LHFPL2: variants seen among roughly 807,000 people sequenced by gnomAD.
The protein encoded by LHFPL2 is LHFPL tetraspan subfamily member 2 protein.
A neutral mutation model predicts 17.5 loss-of-function variants in LHFPL2; 7 were observed. That is an observed-to-expected ratio of 0.40 (90% CI 0.23 to 0.75). LHFPL2 has a LOEUF of 0.75. Ranked by LOEUF, LHFPL2 falls within the 30% of genes least tolerant of loss-of-function variation. LHFPL2 has a pLI of 0.37. For synonymous variants in LHFPL2, 134 were observed against 116.2 expected (o/e 1.15, Z -0.99); for missense variants, 241 against 294.8 (o/e 0.82, Z 1.34).
chr5:78,607,490 A>G (rs1214863319), intron 2 of LHFPL2, among the ~76,000 whole-genome samples: 1 of 152,210 alleles, frequency 6.6e-6, no homozygotes, highest in Non-Finnish European at 1.5e-5. Flanking sequence ...ATAAGTTATG[A>G]TCTAATTACA....
intron 2 of LHFPL2, among the ~76,000 whole-genome samples, chr5:78,572,328 G>C (rs980332281): frequency 1.3e-5 from 2 of 152,130 alleles, no homozygotes; most frequent in Middle Eastern, 3.4e-3. Context: ...TACCTCAGAG[G>C]TATGTATGTA....
intron 3 of LHFPL2, among the ~76,000 whole-genome samples, chr5:78,558,164 A>C (rs1229199819): frequency 1.3e-5 from 2 of 152,192 alleles, no homozygotes; most frequent in African/African-American, 2.4e-5. Flanking sequence ...TTGGCATGGG[A>C]AATTATTTTA....
intron 1 of LHFPL2, among the ~76,000 whole-genome samples, chr5:78,639,093 G>A (rs1407948607): frequency 6.6e-6 from 1 of 152,130 alleles, no homozygotes; most frequent in Non-Finnish European, 1.5e-5. Flanking sequence ...AACATGGCTG[G>A]TCAGACTATC....
chr5:78,618,435 C>T (rs926104089), intron 2 of LHFPL2, among the ~76,000 whole-genome samples: 13 of 152,156 alleles, frequency 8.5e-5, no homozygotes, highest in Admixed American at 3.3e-4. Context: ...AGGCAGCATT[C>T]GGCCGGTGGA....
At chr5:78,583,513 A>G (rs1356678902) in intron 2 of LHFPL2, among the ~76,000 whole-genome samples, 2 of 149,972 alleles carry the variant, frequency 1.3e-5, no homozygotes, top group Non-Finnish European at 3.0e-5. Flanking sequence ...GCTTGTCTGT[A>G]AAGTATTTTA....
intron 2 of LHFPL2, among the ~76,000 whole-genome samples, chr5:78,630,598 C>T (rs1745208299): frequency 6.6e-6 from 1 of 151,868 alleles, no homozygotes; most frequent in South Asian, 2.1e-4. Context: ...ATTCAATTCT[C>T]CTTCAGGAAG....
intron 3 of LHFPL2, among the ~76,000 whole-genome samples, chr5:78,541,313 C>T (rs1180831739): frequency 6.6e-6 from 1 of 152,172 alleles, no homozygotes; most frequent in Non-Finnish European, 1.5e-5. Context: ...TAAGTAGTCA[C>T]TGACAGCAAA....
intron 3 of LHFPL2, among the ~76,000 whole-genome samples, chr5:78,562,094 T>C (rs1292510039): frequency 6.6e-6 from 1 of 152,146 alleles, no homozygotes; most frequent in Non-Finnish European, 1.5e-5. Flanking sequence ...GCTGTGCTCT[T>C]TCCATGATAC....
intron 2 of LHFPL2, among the ~76,000 whole-genome samples, chr5:78,581,157 T>G (rs1462460264): frequency 2.6e-5 from 4 of 152,208 alleles, no homozygotes; most frequent in Non-Finnish European, 5.9e-5. Context: ...TTGTCTGTTG[T>G]TGGTGTATAA....
chr5:78,523,114 G>C (rs1328397678), intron 3 of LHFPL2, among the ~76,000 whole-genome samples: 1 of 62,724 alleles, frequency 1.6e-5, no homozygotes, highest in African/African-American at 8.7e-5. Flanking sequence ...TGTCTGTGGT[G>C]TGTGTGTGTG....
rs369844232 is a variant in LHFPL2 at position 78,522,431 on chromosome 5, T to C, written c.-185-12033A>G. 2.0e-5 allele frequency among the ~76,000 whole-genome samples: 3 copies of C among 152,144 alleles called. No individual in the cohort carries two copies. In the East Asian group the frequency reaches 5.8e-4, roughly 29 times the overall value. The stretch of plus-strand genomic sequence containing the variant: ...CAGCCTGGGTGACAGAGTGAGACTC[T>C]TGTCTCAAAATAAAAAAAAAATTTT... On this transcript the variant is annotated intron_variant, in intron 3 of 4. Transcript: ENST00000380345.
At chr5:78,535,738 A>G (rs1755929190) in intron 3 of LHFPL2, among the ~76,000 whole-genome samples, 1 of 152,120 alleles carries the variant, frequency 6.6e-6, no homozygotes, top group African/African-American at 2.4e-5. Context: ...ACACTGCCGC[A>G]TGGCTGTAGC....
chr5:78,489,031 A>G lies in LHFPL2; in HGVS notation c.553T>C (p.Phe185Leu), dbSNP rs1754349067. 6.2e-7 allele frequency: 1 copy of G among 1,614,246 alleles called. No individual in the cohort carries two copies. Reference protein sequence around the residue: ...KPGDCSLGWAFYTAIGGTVLT... With the variant: ...KPGDCSLGWALYTAIGGTVLT... ...ACTGTGCCCCCAATGGCGGTATAAAAGGCCCAGCCCAAGGAGCAGTCTCCA... is the reference window on the plus strand; with the variant it reads ...ACTGTGCCCCCAATGGCGGTATAAAGGGCCCAGCCCAAGGAGCAGTCTCCA... Residue 185 changes from phenylalanine (F) to leucine (L), a missense_variant, in exon 5 of 5, where the codon TTT becomes CTT. Phe to Leu is a conservative substitution (Grantham distance 22). Transcript: ENST00000380345.
At chr5:78,586,377 G>A (rs1196993459) in intron 2 of LHFPL2, among the ~76,000 whole-genome samples, 5 of 152,142 alleles carry the variant, frequency 3.3e-5, no homozygotes, top group African/African-American at 1.2e-4. Context: ...TCTCATTTGT[G>A]GAGGAATGCT....
rs752866746 is a variant in LHFPL2, at chr5:78,510,053, G to A, written c.161C>T (p.Pro54Leu). 8 of 1,609,960 alleles carry A rather than the reference G, an allele frequency of 5.0e-6. No homozygotes were observed. Among genetic ancestry groups the A allele is most frequent in the Non-Finnish European group, 6.8e-6 (8 of 1,178,324 alleles). ...GCCCAGGGTGGGGTGGTAGGGCTCC[G>A]GGGAGCCCCCGCCCGGGCCCGCCGG... ...VEPAGPGGGSPEPYHPTLGIY... is the reference protein window; with the variant it reads ...VEPAGPGGGSLEPYHPTLGIY... The change falls in exon 4 of 5, where the codon CCG becomes CTG. Residue 54 changes from proline to leucine, a missense_variant. Physicochemically the swap from Pro to Leu is moderately conservative, Grantham distance 98. Transcript: ENST00000380345.
chr5:78,538,844 G>A (rs1468673329), intron 3 of LHFPL2, among the ~76,000 whole-genome samples: 1 of 152,180 alleles, frequency 6.6e-6, no homozygotes, highest in Non-Finnish European at 1.5e-5. Flanking sequence ...CAGGTCTGCA[G>A]CCACACACCA....
intron 2 of LHFPL2, among the ~76,000 whole-genome samples, chr5:78,581,539 T>C (rs866193474): frequency 6.6e-6 from 1 of 152,178 alleles, no homozygotes; most frequent in Admixed American, 6.5e-5. Context: ...CTGCATCTAC[T>C]GAGATAATCA....
Position 78,593,440 on chromosome 5 carries a change from A to T in LHFPL2, c.-244-28569T>A, listed in dbSNP as rs189456764. ...AAGGCCCCAGCTGTCTCTCCCGAGC[A>T]CCTCTCCCTTCACACTCCAAAAACA... On this transcript the variant is annotated intron_variant, in intron 2 of 4. Coordinates refer to ENST00000380345, the MANE Select transcript of LHFPL2 (RefSeq NM_005779.3). Among the ~76,000 whole-genome samples, 252 of 152,152 alleles carry T rather than the reference A, an allele frequency of 1.7e-3. 1 individual carries two copies. The highest frequency in any genetic ancestry group is 5.8e-3 in the African/African-American group (242 of 41,502).
intron 4 of LHFPL2, among the ~76,000 whole-genome samples, chr5:78,492,101 C>T (rs553731027): frequency 1.3e-5 from 2 of 152,200 alleles, no homozygotes; most frequent in Non-Finnish European, 2.9e-5. Context: ...TCTTCTCCCT[C>T]CAGGTCCTAA....
Sources: allele counts gnomAD v4.1 joint callset (sites outside exome capture counted in the v4.1 genomes callset), GRCh38; gene constraint gnomAD v4.1.1; transcripts MANE v1.5; gene names NCBI Gene and HGNC (gene_info 2026-07-23, HGNC 2026-07-21).